The following EHD3 variants were observed in gnomAD, a reference collection of about 807,000 sequenced individuals.
EHD3 encodes the protein EH domain containing 3, also known as EH domain-containing protein 3.
Under a neutral mutation model 43.0 loss-of-function variants are expected in EHD3, and 17 were observed. That is an observed-to-expected ratio of 0.40 (90% CI 0.27 to 0.59). The LOEUF (loss-of-function observed/expected upper bound fraction) is 0.59. Ranked by LOEUF, EHD3 falls within the 20% of genes least tolerant of loss-of-function variation. The pLI is 0.49. For synonymous variants in EHD3, 313 were observed against 289.5 expected (o/e 1.08, Z -0.82); for missense variants, 594 against 705.6 (o/e 0.84, Z 1.79).
At chr2:31,237,435 C>A (rs920649272) in intron 1 of EHD3, among the ~76,000 whole-genome samples, 1 of 152,020 alleles carries the variant, frequency 6.6e-6, no homozygotes, top group Non-Finnish European at 1.5e-5. Context: ...GATGGAGTCT[C>A]ACTGTGTCAC....
rs1003144816 is a variant in EHD3 at position 31,249,617 on chromosome 2, G to A, written c.502+149G>A. 5 of 719,224 alleles carry A rather than the reference G, an allele frequency of 7.0e-6. No individual in the cohort carries two copies. In the African/African-American group the frequency reaches 8.8e-5, roughly 13 times the overall value. 44.6% of individuals were successfully genotyped at this position (719,224 alleles called of 1,614,324 possible). ...GTGCTGTGTGGGATCATTTTACCTG[G>A]GGCAGTCCTAGGCCGGGGTTGGCAG... On this transcript the variant is annotated intron_variant, in intron 3 of 5. Coordinates refer to ENST00000322054, the MANE Select transcript of EHD3 (RefSeq NM_014600.3).
intron 3 of EHD3, among the ~76,000 whole-genome samples, chr2:31,255,197 G>A (rs1683726661): frequency 6.6e-6 from 1 of 152,202 alleles, no homozygotes; most frequent in Non-Finnish European, 1.5e-5. Flanking sequence ...GTCCAGGAAG[G>A]GCAGCTTCTC....
At chr2:31,249,507 A>G (rs1359442318) in intron 3 of EHD3, 39 bp downstream of exon 3, 6 of 1,591,856 alleles carry the variant, frequency 3.8e-6, no homozygotes, top group South Asian at 2.2e-5. Context: ...TGTGGGCTCC[A>G]TGGTTCTGGC....
chr2:31,238,797 A>G (rs1683366824), intron 1 of EHD3, among the ~76,000 whole-genome samples: 2 of 152,154 alleles, frequency 1.3e-5, no homozygotes, highest in African/African-American at 2.4e-5. Flanking sequence ...GGGCTGAGGA[A>G]GGCCTGAGTA....
intron 3 of EHD3, among the ~76,000 whole-genome samples, chr2:31,251,683 G>C (rs1683638819): frequency 6.6e-6 from 1 of 152,138 alleles, no homozygotes; most frequent in African/African-American, 2.4e-5. Context: ...CTGTATGGTG[G>C]AGGTGATAGG....
At chr2:31,245,627 T>C (rs1266041973) in intron 2 of EHD3, among the ~76,000 whole-genome samples, 1 of 146,024 alleles carries the variant, frequency 6.8e-6, no homozygotes, top group Non-Finnish European at 1.5e-5. Context: ...AATGGCGCGA[T>C]CTCAGCTCAT....
chr2:31,265,778 A>G (rs1683937290), intron 5 of EHD3, among the ~76,000 whole-genome samples: 1 of 152,144 alleles, frequency 6.6e-6, no homozygotes, highest in Non-Finnish European at 1.5e-5. Flanking sequence ...GGCCCACATG[A>G]CCCAGTCTCA....
At position 31,234,430 on chromosome 2, in the gene EHD3, T is replaced by C. The variant is rs1454532400; in HGVS notation, c.-192T>C. ...CTGCTGGATGCAGCAGCGGCTGGGC[T>C]TGGTCCCAGGAGCAGGGAGAGTGCG... On this transcript the variant is annotated 5_prime_UTR_variant, in exon 1 of 6. Transcript: ENST00000322054. 3 of 609,758 alleles carry C rather than the reference T, an allele frequency of 4.9e-6. No homozygotes were observed. The highest frequency in any genetic ancestry group is 2.0e-5 in the South Asian group (1 of 50,670). The allele number at this position is 609,758 out of a possible 1,614,324, so 37.8% of individuals were successfully genotyped here.
rs1683961746 is a variant in EHD3, at chr2:31,266,782, ACAC to A, written c.*79_*81del. On this transcript the variant is annotated 3_prime_UTR_variant, in exon 6 of 6. Coordinates refer to ENST00000322054, the MANE Select transcript of EHD3 (RefSeq NM_014600.3). This position sits in a 1 kb window ranked among gnomAD's most constrained non-coding sequence, Gnocchi z 5.1. ...TGACTACACACACACACACACACACACACACACACACAAACATGCACACACACA... is the reference window on the plus strand; with the variant it reads ...TGACTACACACACACACACACACACAACACACACAAACATGCACACACACA... The A allele has an allele frequency of 2.8e-6, 4 of 1,411,290 alleles. No individual in the cohort carries two copies. In the East Asian group the frequency reaches 9.3e-5, roughly 33 times the overall value. The allele number at this position is 1,411,290 out of a possible 1,614,324, so 87.4% of individuals were successfully genotyped here.
rs200093466 is a variant in EHD3, at chr2:31,266,246, G to A, written c.1150G>A (p.Asp384Asn). 63 of 1,614,162 alleles carry A rather than the reference G, an allele frequency of 3.9e-5. No individual in the cohort carries two copies. The highest frequency in any genetic ancestry group is 8.9e-5 in the East Asian group (4 of 44,862). ...GAGCAAGCTGCTGGAGGTAGTGGAC[G>A]ACATGCTGGCCCATGACATTGCCCA... is the stretch of plus-strand genomic sequence containing the variant. ...LKSKLLEVVD[D>N]MLAHDIAQLM... Residue 384 changes from aspartate (D) to asparagine (N), a missense_variant, in exon 6 of 6, where the codon GAC becomes AAC. Coordinates refer to ENST00000322054, the MANE Select transcript of EHD3 (RefSeq NM_014600.3). This position sits in a 1 kb window ranked among gnomAD's most constrained non-coding sequence, Gnocchi z 5.1.
At chr2:31,244,481 G>A (rs1306729491) in intron 2 of EHD3, 31 bp downstream of exon 2, 1 of 1,604,370 alleles carries the variant, frequency 6.2e-7, no homozygotes, top group Non-Finnish European at 8.5e-7. Context: ...ACACTTTCAG[G>A]TGCTCTCTTT....
chr2:31,259,164 G>T (rs1558651616), intron 3 of EHD3, among the ~76,000 whole-genome samples: 1 of 152,144 alleles, frequency 6.6e-6, no homozygotes, highest in African/African-American at 2.4e-5. Flanking sequence ...TAGTACCCAA[G>T]AAAGGGCTCC....
At chr2:31,253,729 G>A (rs1024733773) in intron 3 of EHD3, among the ~76,000 whole-genome samples, 6 of 152,174 alleles carry the variant, frequency 3.9e-5, no homozygotes, top group East Asian at 1.9e-4. Flanking sequence ...GGCCTGGGGC[G>A]GGGTGTGTCT....
intron 3 of EHD3, among the ~76,000 whole-genome samples, chr2:31,250,374 C>T (rs1371509389): frequency 6.0e-5 from 9 of 150,838 alleles, no homozygotes; most frequent in Non-Finnish European, 1.0e-4. Context: ...TCAAGCGATT[C>T]TCCTGCCTCA....
At chr2:31,257,599 T>C (rs1206188221) in intron 3 of EHD3, among the ~76,000 whole-genome samples, 1 of 152,198 alleles carries the variant, frequency 6.6e-6, no homozygotes, top group Admixed American at 6.5e-5. Flanking sequence ...CTCCTCGCGC[T>C]GCCTGCCTCA....
chr2:31,261,644 G>C lies in EHD3; in HGVS notation c.1011G>C (p.Glu337Asp), dbSNP rs751435668. The C allele has an allele frequency of 2.5e-6, 4 of 1,614,246 alleles. No homozygotes were observed. In the African/African-American group the frequency reaches 5.3e-5, roughly 22 times the overall value. Reference sequence around the variant, plus strand: ...AGGAGCTGGTCAACAACCTGGCCGAGATCTATGGCCGGATCGAGCGGGAGC... The same window carrying C: ...AGGAGCTGGTCAACAACCTGGCCGACATCTATGGCCGGATCGAGCGGGAGC... ...KKKELVNNLA[E>D]IYGRIEREHQ... The change falls in exon 5 of 6, where the codon GAG becomes GAC. Residue 337 changes from glutamate to aspartate, a missense_variant. Physicochemically the swap from Glu to Asp is conservative, Grantham distance 45. Transcript: ENST00000322054.
rs1683482465 is a variant in EHD3 at position 31,244,474 on chromosome 2, C to T, written c.404+24C>T. 2.5e-6 allele frequency: 4 copies of T among 1,606,138 alleles called. No homozygotes were observed. The African/African-American group carries it at 4.0e-5, about 16-fold the overall frequency. On this transcript the variant is annotated intron_variant, in intron 2 of 5. Coordinates refer to ENST00000322054, the MANE Select transcript of EHD3 (RefSeq NM_014600.3). ...AGGTGAGTGTGGAGGGAACACAACA[C>T]TTTCAGGTGCTCTCTTTTCTTCTTG...
Position 31,244,452 on chromosome 2 carries a change from T to C in EHD3, c.404+2T>C, listed in dbSNP as rs1683482005. ...CTTTGGCAACGCCTTCTTGAACAGGTGAGTGTGGAGGGAACACAACACTTT... is the reference window on the plus strand; with the variant it reads ...CTTTGGCAACGCCTTCTTGAACAGGCGAGTGTGGAGGGAACACAACACTTT... On this transcript the variant is annotated splice_donor_variant, in intron 2 of 5. Coordinates refer to ENST00000322054, the MANE Select transcript of EHD3 (RefSeq NM_014600.3). LOFTEE classifies it high-confidence loss of function. 6.2e-7 allele frequency: 1 copy of C among 1,613,424 alleles called. No individual in the cohort carries two copies. Among genetic ancestry groups the C allele is most frequent in the South Asian group, 1.1e-5 (1 of 91,064 alleles).
At position 31,260,887 on chromosome 2, in the gene EHD3, C is replaced by G. The variant is rs1348219943; in HGVS notation, c.880C>G (p.Leu294Val). The G allele has an allele frequency of 6.2e-7, 1 of 1,612,782 alleles. No homozygotes were observed. Among genetic ancestry groups the G allele is most frequent in the East Asian group, 2.2e-5 (1 of 44,874 alleles). Residue 294 changes from leucine (L) to valine (V), a missense_variant, in exon 4 of 6, where the codon CTC becomes GTC. Leu to Val is a conservative substitution (Grantham distance 32, BLOSUM62 1). Coordinates refer to ENST00000322054, the MANE Select transcript of EHD3 (RefSeq NM_014600.3). The surrounding 1 kb of genome is among the most constrained non-coding windows in gnomAD (Gnocchi z 4.6). Reference sequence around the variant, plus strand: ...GCCCCGAAATGCTGCCCTGCGCAAGCTCAACGACCTCATCAAAAGGGCCAG... The same window carrying G: ...GCCCCGAAATGCTGCCCTGCGCAAGGTCAACGACCTCATCAAAAGGGCCAG... ...SLPRNAALRKLNDLIKRARLA... is the reference protein window; with the variant it reads ...SLPRNAALRKVNDLIKRARLA...
Sources: allele counts gnomAD v4.1 joint callset (sites outside exome capture counted in the v4.1 genomes callset), GRCh38; gene constraint gnomAD v4.1.1; non-coding constraint Gnocchi (gnomAD v3.1); transcripts MANE v1.5; gene names NCBI Gene and HGNC (gene_info 2026-07-23, HGNC 2026-07-21).